Variants in HTR2B observed in about 807,000 individuals in gnomAD.
HTR2B encodes the protein 5-HT 2B receptor.
In HTR2B, 31 loss-of-function variants were observed where a neutral mutation model predicts 39.8. That is an observed-to-expected ratio of 0.78 (90% CI 0.58 to 1.05). The LOEUF (loss-of-function observed/expected upper bound fraction) is 1.05. HTR2B is among the 50% of genes least tolerant of loss of function. HTR2B has a pLI of 0.00. For missense variants in HTR2B, 562 were observed against 578.0 expected (o/e 0.97, Z 0.28); for synonymous variants, 210 against 207.1 (o/e 1.01, Z -0.12).
At chr2:231,120,718 T>C (rs1695510450) in intron 2 of HTR2B, among the ~76,000 whole-genome samples, 1 of 152,246 alleles carries the variant, frequency 6.6e-6, no homozygotes, top group Admixed American at 6.5e-5. Flanking sequence ...TACGAGCTAG[T>C]ATAGTTTTTG....
chr2:231,115,325 C>A (rs1448430188), intron 2 of HTR2B, among the ~76,000 whole-genome samples: 1 of 152,004 alleles, frequency 6.6e-6, no homozygotes, highest in Non-Finnish European at 1.5e-5. Context: ...GACAAAGTAT[C>A]CAGAAGGTAG....
At position 231,123,506 on chromosome 2, in the gene HTR2B, A is replaced by T. The variant is rs1695621956; in HGVS notation, c.259T>A (p.Tyr87Asn). The T allele has an allele frequency of 1.2e-6, 2 of 1,614,014 alleles. No individual in the cohort carries two copies. The highest frequency in any genetic ancestry group is 1.7e-5 in the Admixed American group (1 of 60,004). ...LAVSLEKKLQ[Y>N]ATNYFLMSLA... ...GACATTAGAAAGTAATTAGTAGCAT[A>T]CTGCAGCTTCTTCTCCAGTGAAACA... Residue 87 changes from tyrosine (Y) to asparagine (N), a missense_variant, in exon 2 of 4, where the codon TAT becomes AAT. Physicochemically the swap from Tyr to Asn is moderately radical, Grantham distance 143. Transcript: ENST00000258400.
At chr2:231,123,007 C>A (rs1695598313) in intron 2 of HTR2B, among the ~76,000 whole-genome samples, 1 of 152,054 alleles carries the variant, frequency 6.6e-6, no homozygotes, top group Non-Finnish European at 1.5e-5. Flanking sequence ...AATTCAAAGA[C>A]CTTATCGTTA....
intron 2 of HTR2B, 64 bp downstream of exon 2, chr2:231,123,349 T>C (rs1695610821): frequency 2.7e-6 from 3 of 1,128,546 alleles, no homozygotes; most frequent in Non-Finnish European, 4.1e-6. Flanking sequence ...TAAATGAGTG[T>C]CCATTCTCTA....
In HTR2B at chr2:231,108,763, C is replaced by T. The variant is rs754790113; in HGVS notation, c.1200G>A (p.Arg400=). ...TGAGAGTTTTTACTGACTTTGTGGC[C>T]CGGTAATTGCAGGTGATATATCGGC... ...AFGRYITCNY[R]ATKSVKTLRK... The change falls in exon 4 of 4, where the codon CGG becomes CGA. Residue 400 remains arginine (R), a synonymous_variant. Coordinates refer to ENST00000258400, the MANE Select transcript of HTR2B (RefSeq NM_000867.5). 6.8e-6 allele frequency: 11 copies of T among 1,613,962 alleles called. No individual in the cohort carries two copies. The South Asian group carries it at 1.2e-4, about 18-fold the overall frequency.
chr2:231,109,779 T>G (rs1306406262), intron 3 of HTR2B, among the ~76,000 whole-genome samples: 3 of 152,244 alleles, frequency 2.0e-5, no homozygotes, highest in Non-Finnish European at 4.4e-5. Flanking sequence ...ACCTGCTTTT[T>G]TCTTATTATC....
At chr2:231,115,584 T>C (rs543305292) in intron 2 of HTR2B, among the ~76,000 whole-genome samples, 3 of 151,934 alleles carry the variant, frequency 2.0e-5, no homozygotes, top group Non-Finnish European at 2.9e-5. Flanking sequence ...CTTTGCCTGC[T>C]TGTTGAATTG....
At chr2:231,122,721 C>T (rs1426141734) in intron 2 of HTR2B, among the ~76,000 whole-genome samples, 4 of 151,882 alleles carry the variant, frequency 2.6e-5, no homozygotes, top group Non-Finnish European at 4.4e-5. Context: ...CTTTTATTAT[C>T]GCAATAACTA....
rs1574733857 is a variant in HTR2B, at chr2:231,108,347, A to G, written c.*170T>C. ...CTATATAAAATTATTTTCCTCATGG[A>G]ATAATCTTGTCCAAATTAGGAAAAT... On this transcript the variant is annotated 3_prime_UTR_variant, in exon 4 of 4. Coordinates refer to ENST00000258400, the MANE Select transcript of HTR2B (RefSeq NM_000867.5). 1.7e-6 allele frequency: 1 copy of G among 593,082 alleles called. No homozygotes were observed. Among genetic ancestry groups the G allele is most frequent in the East Asian group, 2.8e-5 (1 of 35,174 alleles). The allele number at this position is 593,082 out of a possible 1,614,324, so 36.7% of individuals were successfully genotyped here. A position where few individuals can be genotyped will look rare whatever the true frequency, so the allele number is the denominator to read the frequency against.
At chr2:231,111,992 A>G (rs531959009) in intron 3 of HTR2B, among the ~76,000 whole-genome samples, 38 of 152,338 alleles carry the variant, frequency 2.5e-4, no homozygotes, top group African/African-American at 8.7e-4. Flanking sequence ...TTATAAATTG[A>G]TGGTATCCAG....
intron 2 of HTR2B, among the ~76,000 whole-genome samples, chr2:231,119,713 A>G (rs1695464897): frequency 6.6e-6 from 1 of 151,834 alleles, no homozygotes; most frequent in African/African-American, 2.4e-5. Flanking sequence ...TCTACTAAAA[A>G]TACAAAACTT....
intron 2 of HTR2B, among the ~76,000 whole-genome samples, chr2:231,120,800 G>C (rs1695514865): frequency 6.6e-6 from 1 of 152,132 alleles, no homozygotes. Flanking sequence ...TTTTATCATA[G>C]AACCAAGAAC....
chr2:231,118,615 G>A (rs910395319), intron 2 of HTR2B, among the ~76,000 whole-genome samples: 46 of 152,034 alleles, frequency 3.0e-4, no homozygotes, highest in African/African-American at 1.0e-3. Flanking sequence ...TTTTGAATTA[G>A]TACAAAAACC....
chr2:231,109,439 G>T (rs182379518), intron 3 of HTR2B, 30 bp from the exon 4 acceptor site: 88 of 1,577,864 alleles, frequency 5.6e-5, no homozygotes, highest in Non-Finnish European at 2.1e-5. Context: ...GATAAATTGA[G>T]TCATTTTATG....
At chr2:231,110,209 A>G (rs529272084) in intron 3 of HTR2B, among the ~76,000 whole-genome samples, 2 of 152,148 alleles carry the variant, frequency 1.3e-5, no homozygotes, top group East Asian at 3.9e-4. Context: ...ACTCCCAGCT[A>G]CTCAGGAGGC....
intron 2 of HTR2B, among the ~76,000 whole-genome samples, chr2:231,115,762 T>G (rs1432875918): frequency 6.6e-6 from 1 of 152,104 alleles, no homozygotes; most frequent in Non-Finnish European, 1.5e-5. Context: ...TATCTGAAAG[T>G]GTTATTTAGA....
In HTR2B at chr2:231,110,105, A is replaced by G. The variant is rs989073101; in HGVS notation, c.554-696T>C. On this transcript the variant is annotated intron_variant, in intron 3 of 3. Transcript: ENST00000258400. Reference sequence around the variant, plus strand: ...AGGCCAAGTGGGGGTGGATTACTTGAGGTCAGGAGTTTGAGACAAGCCTGG... The same window carrying G: ...AGGCCAAGTGGGGGTGGATTACTTGGGGTCAGGAGTTTGAGACAAGCCTGG... 5.9e-5 allele frequency among the ~76,000 whole-genome samples: 9 copies of G among 152,252 alleles called. No homozygotes were observed. In the East Asian group the frequency reaches 1.7e-3, roughly 29 times the overall value.
At chr2:231,123,380 G>T in intron 2 of HTR2B, 33 bp downstream of exon 2, 1 of 1,430,982 alleles carries the variant, frequency 7.0e-7, no homozygotes, top group Non-Finnish European at 9.9e-7. Flanking sequence ...ATAGTTCTGT[G>T]GTTTGATGGC....
At chr2:231,121,325 T>A (rs1377924257) in intron 2 of HTR2B, among the ~76,000 whole-genome samples, 2 of 152,050 alleles carry the variant, frequency 1.3e-5, no homozygotes, top group East Asian at 3.9e-4. Flanking sequence ...CCCAGGAGTT[T>A]GAGGCCAGCC....
Sources: gnomAD v4.1 joint callset for allele counts (sites outside exome capture counted in the v4.1 genomes callset) on GRCh38, gnomAD v4.1.1 for gene constraint, MANE v1.5 for transcripts, NCBI Gene and HGNC (gene_info 2026-07-23, HGNC 2026-07-21) for gene names.